Variants in ATG7 observed in about 807,000 individuals in gnomAD.
ATG7 encodes the protein autophagy related 7.
ATG7 carries 70 observed loss-of-function variants against 82.4 expected under a neutral mutation model. That is an observed-to-expected ratio of 0.85 (90% CI 0.70 to 1.04). The LOEUF (loss-of-function observed/expected upper bound fraction) is 1.04, where lower values mean the gene tolerates loss of function less well. Ranked by LOEUF, ATG7 falls within the 50% of genes least tolerant of loss-of-function variation. ATG7 has a pLI of 0.00. For synonymous variants in ATG7, 287 were observed against 313.0 expected (o/e 0.92, Z 0.88); for missense variants, 792 against 864.3 (o/e 0.92, Z 1.05).
At position 11,447,470 on chromosome 3, in the gene ATG7, G is replaced by GAA. The variant is rs764275667; in HGVS notation, c.2079+20558_2079+20559dup. ...CAACAGTGCAAGACTCCGTCTCAGG[G>GAA]AAAAAAAAAAAAAAAGTAATTTATT... On this transcript the variant is annotated intron_variant, in intron 20 of 20. Transcript: ENST00000693202. 1.5e-3 allele frequency among the ~76,000 whole-genome samples: 201 copies of GAA among 135,524 alleles called. 1 individual carries two copies. The highest frequency in any genetic ancestry group is 5.0e-3 in the African/African-American group (185 of 36,930). The allele number at this position is 135,524 out of a possible 152,430, so 88.9% of individuals were successfully genotyped here.
chr3:11,336,235 G>A (rs556384405), intron 11 of ATG7, among the ~76,000 whole-genome samples: 28 of 151,410 alleles, frequency 1.8e-4, no homozygotes, highest in African/African-American at 5.6e-4. Flanking sequence ...GGGTTTCACC[G>A]TGTACCCAGG....
intron 20 of ATG7, among the ~76,000 whole-genome samples, chr3:11,478,989 AACACACACACACACACACACACAC>A (rs71628717): frequency 2.7e-5 from 2 of 73,134 alleles, no homozygotes; most frequent in Non-Finnish European, 4.8e-5. Context: ...GTATATTTAC[AACACACACACACACACACACACAC>A]ACACACACAC....
chr3:11,483,463 T>C (rs577148703), intron 20 of ATG7, among the ~76,000 whole-genome samples: 40 of 152,316 alleles, frequency 2.6e-4, no homozygotes, highest in African/African-American at 8.7e-4. Flanking sequence ...ATGTTTGAGT[T>C]TTCTTGGGGG....
Position 11,441,715 on chromosome 3 carries a change from G to A in ATG7, c.2079+14789G>A, listed in dbSNP as rs1208048777. On this transcript the variant is annotated intron_variant, in intron 20 of 20. Transcript: ENST00000693202. ...AGAGTCTTGCTCTGTTGCCCAGGCT[G>A]GAGTGCAATGGCGTGATCTCAGCTC... Among the ~76,000 whole-genome samples, 3 of 146,108 alleles carry A rather than the reference G, an allele frequency of 2.1e-5. No individual in the cohort carries two copies. In the East Asian group the frequency reaches 6.0e-4, roughly 29 times the overall value.
intron 19 of ATG7, among the ~76,000 whole-genome samples, chr3:11,383,748 G>A (rs1002853943): frequency 2.0e-5 from 3 of 152,118 alleles, no homozygotes; most frequent in Non-Finnish European, 2.9e-5. Context: ...GCATCCAGCC[G>A]TATCCTGGAT....
chr3:11,465,864 T>C (rs1396051463), intron 20 of ATG7, among the ~76,000 whole-genome samples: 1 of 152,146 alleles, frequency 6.6e-6, no homozygotes. Flanking sequence ...GGGGAGAGAA[T>C]TGGAAAGCCC....
intron 19 of ATG7, among the ~76,000 whole-genome samples, chr3:11,396,546 G>T (rs2079294230): frequency 6.6e-6 from 1 of 152,062 alleles, no homozygotes. Flanking sequence ...TAAGGCCGAG[G>T]TGGGCGGATC....
chr3:11,465,848 G>A (rs2086779364), intron 20 of ATG7, among the ~76,000 whole-genome samples: 1 of 152,144 alleles, frequency 6.6e-6, no homozygotes, highest in African/African-American at 2.4e-5. Flanking sequence ...CCAGGGATAA[G>A]AAGAAGGGGA....
intron 9 of ATG7, among the ~76,000 whole-genome samples, chr3:11,315,726 T>C (rs557161964): frequency 1.6e-4 from 24 of 152,334 alleles, no homozygotes; most frequent in African/African-American, 5.8e-4. Context: ...CCTTACTCTT[T>C]TTTTTTGTTT....
At chr3:11,558,401 A>C, downstream of ATG7, 1 of 1,279,148 alleles carries the variant, frequency 7.8e-7, no homozygotes, top group Non-Finnish European at 1.0e-6. Flanking sequence ...AAGTACAAAA[A>C]CAGAACACAA....
chr3:11,568,809 A>T, the ATG7 span: 12 of 1,432,664 alleles, frequency 8.4e-6, no homozygotes, highest in Non-Finnish European at 1.1e-5. The surrounding 1 kb of genome is among the most constrained non-coding windows in gnomAD (Gnocchi z 5.9). Context: ...AGCCCACGGC[A>T]TCCCCGCGAA....
At chr3:11,502,331 G>A (rs553010128) in intron 20 of ATG7, among the ~76,000 whole-genome samples, 17 of 144,062 alleles carry the variant, frequency 1.2e-4, no homozygotes, top group South Asian at 2.3e-4. Flanking sequence ...CCACTAACTC[G>A]TCATCTAGCA....
intron 20 of ATG7, among the ~76,000 whole-genome samples, chr3:11,510,568 A>T (rs563532662): frequency 5.9e-5 from 9 of 151,514 alleles, no homozygotes; most frequent in African/African-American, 1.9e-4. Flanking sequence ...TCTTTGTGCA[A>T]CTCGCCGCCC....
At chr3:11,286,156 T>G (rs1017022797) in intron 3 of ATG7, among the ~76,000 whole-genome samples, 1 of 152,184 alleles carries the variant, frequency 6.6e-6, no homozygotes, top group African/African-American at 2.4e-5. Flanking sequence ...CAGTGTCTGT[T>G]TGTCACGTTG....
At chr3:11,420,147 TGG>T (rs899040013) in intron 19 of ATG7, among the ~76,000 whole-genome samples, 1 of 152,188 alleles carries the variant, frequency 6.6e-6, no homozygotes, top group Non-Finnish European at 1.5e-5. Context: ...CTAGGATGTT[TGG>T]GGGGAAAAAT....
chr3:11,435,668 C>T (rs1462971518), intron 20 of ATG7, among the ~76,000 whole-genome samples: 1 of 152,186 alleles, frequency 6.6e-6, no homozygotes, highest in African/African-American at 2.4e-5. Flanking sequence ...CCGTGTCAGG[C>T]AGGACCGTGT....
intron 3 of ATG7, among the ~76,000 whole-genome samples, chr3:11,284,987 T>C (rs1442420953): frequency 2.0e-5 from 3 of 151,300 alleles, no homozygotes; most frequent in East Asian, 3.9e-4. Flanking sequence ...GTTGGGACTA[T>C]AGGCGCCCGC....
At chr3:11,402,989 C>A (rs192145249) in intron 19 of ATG7, among the ~76,000 whole-genome samples, 50 of 152,272 alleles carry the variant, frequency 3.3e-4, no homozygotes, top group Non-Finnish European at 6.3e-4. Context: ...GGAATCTATT[C>A]TCTTAAATGC....
intron 12 of ATG7, among the ~76,000 whole-genome samples, chr3:11,341,635 A>G (rs532466988): frequency 1.3e-5 from 2 of 151,856 alleles, no homozygotes; most frequent in Non-Finnish European, 2.9e-5. Flanking sequence ...TTTAGTAGAG[A>G]GAGGGTTTTA....
Sources: allele counts gnomAD v4.1 joint callset (sites outside exome capture counted in the v4.1 genomes callset), GRCh38; gene constraint gnomAD v4.1.1; non-coding constraint Gnocchi (gnomAD v3.1); transcripts MANE v1.5; gene names NCBI Gene and HGNC (gene_info 2026-07-23, HGNC 2026-07-21).